The following CENPU variants were observed in gnomAD, a reference collection of about 807,000 sequenced individuals.
CENPU encodes the protein centromere protein U, also known as KSHV latent nuclear antigen interacting protein 1.
Under a neutral mutation model 56.7 loss-of-function variants are expected in CENPU, and 46 were observed. The observed-to-expected ratio is 0.81, with a 90% CI of 0.64 to 1.04. CENPU has a LOEUF of 1.04. Among genes scored for constraint, CENPU ranks in the 50% least tolerant of loss-of-function variants. CENPU has a pLI of 0.00. For missense variants in CENPU, 510 were observed against 490.1 expected, an observed-to-expected ratio of 1.04 and a Z score of -0.38; for synonymous variants, 166 against 163.0, an observed-to-expected ratio of 1.02 and a Z score of -0.14.
At chr4:184,729,970 T>C (rs1267909359) in intron 2 of CENPU, among the ~76,000 whole-genome samples, 3 of 152,202 alleles carry the variant, frequency 2.0e-5, no homozygotes, top group Non-Finnish European at 4.4e-5. Context: ...TATAAAAACT[T>C]GACCATTCAG....
chr4:184,731,246 G>A (rs1761635011), intron 1 of CENPU, among the ~76,000 whole-genome samples: 1 of 152,178 alleles, frequency 6.6e-6, no homozygotes, highest in Non-Finnish European at 1.5e-5. Context: ...GCTGAACAAA[G>A]GGGAGGTAGG....
rs143901629 is a variant in CENPU, at chr4:184,712,975, C to T, written c.657G>A (p.Arg219=). The change falls in exon 7 of 13, where the codon AGG becomes AGA. Residue 219 remains arginine (R), a synonymous_variant. Coordinates refer to ENST00000281453, the MANE Select transcript of CENPU (RefSeq NM_024629.4). The stretch of plus-strand genomic sequence containing the variant: ...CTATGGCTTTACTTCTTGATTTCTT[C>T]CTTTTGTCATGAGATATCTTCCCTT... ...QKKGKISHDK[R]KKSRSKAIGS... is the part of the protein sequence containing the mutation. 3.8e-5 allele frequency: 61 copies of T among 1,594,830 alleles called. No individual in the cohort carries two copies. The highest frequency in any genetic ancestry group is 1.1e-5 in the South Asian group (1 of 89,024).
intron 8 of CENPU, among the ~76,000 whole-genome samples, chr4:184,703,687 A>C (rs1216778253): frequency 1.3e-5 from 2 of 152,256 alleles, no homozygotes; most frequent in Non-Finnish European, 2.9e-5. Flanking sequence ...AATTGAAAGC[A>C]CGGACTTGAA....
intron 4 of CENPU, among the ~76,000 whole-genome samples, chr4:184,724,239 G>A (rs565266112): frequency 4.3e-4 from 65 of 152,000 alleles, no homozygotes; most frequent in African/African-American, 6.5e-4. Context: ...GCACTCCAGC[G>A]TGGGCAACAG....
chr4:184,697,963 G>A (rs1249692372), intron 11 of CENPU, 160 bp from the exon 12 acceptor site: 4 of 563,284 alleles, frequency 7.1e-6, no homozygotes, highest in Non-Finnish European at 1.2e-5. Flanking sequence ...CTGGGTTTCA[G>A]TTTAAAATGT....
intron 6 of CENPU, among the ~76,000 whole-genome samples, chr4:184,715,530 C>A (rs1205214177): frequency 1.3e-5 from 2 of 152,146 alleles, no homozygotes; most frequent in African/African-American, 4.8e-5. Context: ...CCAGGCTGGT[C>A]TCGAACTCCT....
intron 4 of CENPU, among the ~76,000 whole-genome samples, chr4:184,717,977 T>A (rs190029159): frequency 1.3e-5 from 2 of 152,250 alleles, no homozygotes; most frequent in East Asian, 3.9e-4. Context: ...AGAGCACAGA[T>A]AGAATGTATT....
At chr4:184,723,745 A>G (rs2150226117) in intron 4 of CENPU, among the ~76,000 whole-genome samples, 1 of 146,384 alleles carries the variant, frequency 6.8e-6, no homozygotes. Context: ...CGGGAGGGTG[A>G]GGCAGGAGAA....
In CENPU at chr4:184,696,111, G is replaced by A. The variant is rs116001619; in HGVS notation, c.1144-710C>T. 1.3e-3 allele frequency among the ~76,000 whole-genome samples: 193 copies of A among 152,256 alleles called. 2 individuals are homozygous for A. Among genetic ancestry groups the A allele is most frequent in the African/African-American group, 4.5e-3 (185 of 41,544 alleles). ...TTTTGTCATACTTTGATAGTTTGCT[G>A]TTTAATAGCATGTTTTCAAGATGAC... is the stretch of plus-strand genomic sequence containing the variant. On this transcript the variant is annotated intron_variant, in intron 12 of 12. Coordinates refer to ENST00000281453, the MANE Select transcript of CENPU (RefSeq NM_024629.4).
At chr4:184,696,067 T>TTAAA (rs1339587482) in intron 12 of CENPU, among the ~76,000 whole-genome samples, 11 of 152,234 alleles carry the variant, frequency 7.2e-5, no homozygotes, top group Admixed American at 7.2e-4. Flanking sequence ...GGGTGCATGA[T>TTAAA]TAAATTCCTC....
Position 184,730,961 on chromosome 4 carries a change from G to A in CENPU, c.55C>T (p.Arg19Cys), listed in dbSNP as rs148908002. ...PRPHRSEGARRSKNTLERTHS... is the reference protein window; with the variant it reads ...PRPHRSEGARCSKNTLERTHS... ...GTTCTTTCTAAAGTGTTCTTTGAAC[G>A]TCTTGCGCTATTAAACAGCAAAAAA... The change falls in exon 2 of 13, where the codon CGT becomes TGT. Residue 19 changes from arginine to cysteine, a missense_variant. Coordinates refer to ENST00000281453, the MANE Select transcript of CENPU (RefSeq NM_024629.4). 4.3e-4 allele frequency: 675 copies of A among 1,576,496 alleles called. No homozygotes were observed. Among genetic ancestry groups the A allele is most frequent in the Non-Finnish European group, 5.2e-4 (610 of 1,168,266 alleles).
At position 184,734,036 on chromosome 4, in the gene CENPU, C is replaced by G. The variant is rs876840; in HGVS notation, c.27G>C (p.Pro9=). MAPRGRRR[P]RPHRSEGARR... Reference sequence around the variant, plus strand: ...CTTACCCCTCAGACCTGTGAGGCCGCGGCCGCCGCCGCCCCCGCGGGGCCA... The same window carrying G: ...CTTACCCCTCAGACCTGTGAGGCCGGGGCCGCCGCCGCCCCCGCGGGGCCA... Residue 9 remains proline (P), a synonymous_variant, in exon 1 of 13, where the codon CCG becomes CCC. Transcript: ENST00000281453. 317,347 of 1,582,560 alleles carry G rather than the reference C, an allele frequency of 0.2. 39,911 individuals carry two copies. Among genetic ancestry groups the G allele is most frequent in the East Asian group, 0.67 (28,816 of 42,696 alleles).
chr4:184,723,021 C>G (rs1761331513), intron 4 of CENPU, among the ~76,000 whole-genome samples: 1 of 152,142 alleles, frequency 6.6e-6, no homozygotes, highest in Admixed American at 6.5e-5. Context: ...ACTTTTATGA[C>G]TATATCCTAT....
In CENPU at chr4:184,694,985, A is replaced by G. The variant is rs1455987251; in HGVS notation, c.*303T>C. 1.4e-5 allele frequency: 8 copies of G among 554,146 alleles called. No homozygotes were observed. The East Asian group carries it at 2.1e-4, about 14-fold the overall frequency. 34.3% of individuals were successfully genotyped at this position (554,146 alleles called of 1,614,324 possible). The stretch of plus-strand genomic sequence containing the variant: ...GAAATCGCCTTATTAATTAATCAAA[A>G]TTATGTTCACATCAACTTAATTTTA... On this transcript the variant is annotated 3_prime_UTR_variant, in exon 13 of 13. Coordinates refer to ENST00000281453, the MANE Select transcript of CENPU (RefSeq NM_024629.4).
intron 4 of CENPU, among the ~76,000 whole-genome samples, chr4:184,723,653 C>A (rs1360970372): frequency 6.7e-6 from 1 of 149,788 alleles, no homozygotes; most frequent in African/African-American, 2.5e-5. Context: ...ACCATCCTGG[C>A]CAACATGGTG....
At chr4:184,696,862 T>C (rs1760350204) in intron 12 of CENPU, among the ~76,000 whole-genome samples, 1 of 149,106 alleles carries the variant, frequency 6.7e-6, no homozygotes, top group South Asian at 2.1e-4. Flanking sequence ...TCCCATTATA[T>C]TCCTTTTTAA....
At chr4:184,726,736 A>G (rs562519248) in intron 3 of CENPU, among the ~76,000 whole-genome samples, 1 of 149,434 alleles carries the variant, frequency 6.7e-6, no homozygotes, top group Non-Finnish European at 1.5e-5. Flanking sequence ...CCAAGGGTCC[A>G]TTAACAGATG....
In CENPU at chr4:184,694,103, ATC is replaced by A. The variant is rs1561113058; in HGVS notation, c.*1183_*1184del. 1 of 439,178 alleles carries A rather than the reference ATC, an allele frequency of 2.3e-6. No individual in the cohort carries two copies. The highest frequency in any genetic ancestry group is 2.1e-5 in the African/African-American group (1 of 46,626). 27.2% of individuals were successfully genotyped at this position (439,178 alleles called of 1,614,324 possible). A position where few individuals can be genotyped will look rare whatever the true frequency, so the allele number is the denominator to read the frequency against. ...AGTCATATTTTGGCAACTGTTTTTA[ATC>A]TTTTTTCAATCCATGTTTACGATTT... On this transcript the variant is annotated 3_prime_UTR_variant, in exon 13 of 13. Transcript: ENST00000281453.
At chr4:184,704,204 C>G (rs954676653) in intron 8 of CENPU, among the ~76,000 whole-genome samples, 1 of 152,060 alleles carries the variant, frequency 6.6e-6, no homozygotes, top group Non-Finnish European at 1.5e-5. Context: ...CTCAGCCTCC[C>G]GTGTAGCTGG....
Sources: allele counts gnomAD v4.1 joint callset (sites outside exome capture counted in the v4.1 genomes callset), GRCh38; gene constraint gnomAD v4.1.1; transcripts MANE v1.5; gene names NCBI Gene and HGNC (gene_info 2026-07-23, HGNC 2026-07-21).